Variants in PREX2 observed in about 807,000 individuals in gnomAD.
The protein encoded by PREX2 is phosphatidylinositol 3,4,5-trisphosphate-dependent Rac exchanger 2 protein.
Under a neutral mutation model 203.2 loss-of-function variants are expected in PREX2, and 107 were observed. The observed-to-expected ratio is 0.53, with a 90% CI of 0.45 to 0.62. PREX2 has a LOEUF of 0.62. PREX2 is among the 20% of genes least tolerant of loss of function. The probability of loss-of-function intolerance (pLI) is 0.00; values close to 1 mark genes in which losing one functional copy is unlikely to be tolerated. For synonymous variants in PREX2, 672 were observed against 663.6 expected (o/e 1.01, Z -0.19); for missense variants, 1,777 against 1,955.9 (o/e 0.91, Z 1.72).
chr8:68,182,602 T>G (rs141646717), intron 35 of PREX2, among the ~76,000 whole-genome samples: 157 of 152,172 alleles, frequency 1.0e-3, no homozygotes, highest in African/African-American at 3.6e-3. Flanking sequence ...CTCTGTTAGA[T>G]TTTATGTATA....
rs1805354537 is a variant in PREX2 at position 67,952,067 on chromosome 8, T to A, written c.-328T>A. ...ACAAAGCTTTTGATTAATGTCCAAG[T>A]CACTGCTGTGGCTGCCGAAGCCGCT... is the stretch of plus-strand genomic sequence containing the variant. On this transcript the variant is annotated 5_prime_UTR_variant, in exon 1 of 40. Coordinates refer to ENST00000288368, the MANE Select transcript of PREX2 (RefSeq NM_024870.4). 1 of 252,162 alleles carries A rather than the reference T, an allele frequency of 4.0e-6. No individual in the cohort carries two copies. The highest frequency in any genetic ancestry group is 2.2e-5 in the African/African-American group (1 of 44,466). 15.6% of individuals were successfully genotyped at this position (252,162 alleles called of 1,614,324 possible). A position where few individuals can be genotyped will look rare whatever the true frequency, so the allele number is the denominator to read the frequency against.
Position 68,097,040 on chromosome 8 carries a change from A to G in PREX2, c.2392A>G (p.Met798Val), listed in dbSNP as rs747350399. The G allele has an allele frequency of 5.0e-6, 8 of 1,613,722 alleles. No individual in the cohort carries two copies. In the South Asian group the frequency reaches 5.5e-5, roughly 11 times the overall value. The change falls in exon 22 of 40, where the codon ATG (methionine) becomes GTG (valine). Residue 798 changes from methionine to valine, a missense_variant. Physicochemically the swap from Met to Val is conservative, Grantham distance 21. Transcript: ENST00000288368. ...VEEVIDKFNT[M>V]AIIDGKKEHV... ...AGAGGTTATTGACAAATTCAACACT[A>G]TGGCCATCATTGATGGGAAGAAGGA...
intron 35 of PREX2, among the ~76,000 whole-genome samples, chr8:68,169,344 G>A (rs1811826706): frequency 6.6e-6 from 1 of 151,926 alleles, no homozygotes; most frequent in South Asian, 2.1e-4. Flanking sequence ...GTGAGGGTCA[G>A]AATGCTGGAC....
intron 11 of PREX2, 85 bp downstream of exon 11, chr8:68,060,864 TC>T: frequency 1.2e-6 from 1 of 868,866 alleles, no homozygotes; most frequent in Non-Finnish European, 1.8e-6. Flanking sequence ...AGTTTACAAT[TC>T]CCCACATTAT....
rs1563533945 is a variant in PREX2 at position 68,080,443 on chromosome 8, T to G, written c.1643T>G (p.Val548Gly). ...GLCDNGFMHH[V>G]LEKSEFKDEP... is the part of the protein sequence containing the mutation. ...AATTTGCATCTGTCTTTTTCTGTAG[T>G]CCTTGAAAAAAGCGAATTCAAAGAT... Residue 548 changes from valine to glycine, a missense_variant and splice_region_variant, in exon 16 of 40, where the codon GTC becomes GGC. Coordinates refer to ENST00000288368, the MANE Select transcript of PREX2 (RefSeq NM_024870.4). 6.2e-7 allele frequency: 1 copy of G among 1,610,818 alleles called. No individual in the cohort carries two copies. The highest frequency in any genetic ancestry group is 1.3e-5 in the African/African-American group (1 of 74,740).
chr8:68,047,653 G>C (rs78809049), intron 8 of PREX2, among the ~76,000 whole-genome samples: 2,257 of 151,238 alleles, frequency 0.015, 50 homozygotes, highest in African/African-American at 0.052. Flanking sequence ...GCCTCAGTAG[G>C]TGGGACTACA....
chr8:68,181,840 G>T (rs959086809), intron 35 of PREX2, among the ~76,000 whole-genome samples: 4 of 152,116 alleles, frequency 2.6e-5, no homozygotes. Flanking sequence ...GGTGCTGTGT[G>T]TTGGGATAAA....
intron 4 of PREX2, among the ~76,000 whole-genome samples, chr8:68,025,497 A>G (rs1161467273): frequency 7.2e-5 from 11 of 151,800 alleles, no homozygotes; most frequent in Non-Finnish European, 1.0e-4. Context: ...ATGATTGTAC[A>G]TTTCTTATTT....
chr8:67,970,711 T>A (rs1302432430), intron 1 of PREX2, among the ~76,000 whole-genome samples: 1 of 152,196 alleles, frequency 6.6e-6, no homozygotes, highest in Admixed American at 6.5e-5. Context: ...ATCATTTTCC[T>A]CTTCTGTGAT....
At chr8:68,193,014 A>G (rs965794714) in intron 37 of PREX2, among the ~76,000 whole-genome samples, 2 of 152,182 alleles carry the variant, frequency 1.3e-5, no homozygotes, top group Non-Finnish European at 2.9e-5. Context: ...GTGCTATTCC[A>G]GAAAATGTAA....
intron 37 of PREX2, among the ~76,000 whole-genome samples, chr8:68,195,040 G>T (rs934743125): frequency 1.3e-5 from 2 of 152,164 alleles, no homozygotes; most frequent in Non-Finnish European, 2.9e-5. Flanking sequence ...AACCAAGGGG[G>T]TCCTTCAGAC....
At chr8:68,169,359 A>G (rs1811827015) in intron 35 of PREX2, among the ~76,000 whole-genome samples, 1 of 152,044 alleles carries the variant, frequency 6.6e-6, no homozygotes, top group Admixed American at 6.6e-5. Context: ...CTGGACAAGC[A>G]AAGTCAATGA....
chr8:68,126,787 C>T (rs1810899057), intron 30 of PREX2, among the ~76,000 whole-genome samples: 1 of 151,954 alleles, frequency 6.6e-6, no homozygotes, highest in Non-Finnish European at 1.5e-5. Flanking sequence ...GAAATTCATA[C>T]ACATTTATCA....
rs547907303 is a variant in PREX2 at position 68,187,111 on chromosome 8, C to CTGATGAG, written c.4347-4611_4347-4610insTGATGAG. Reference sequence around the variant, plus strand: ...CCAGCTGTTTCTGTAGCAATGCTTCCCTTAGGTGGTACTGATGAGCTATGG... The same window carrying CTGATGAG: ...CCAGCTGTTTCTGTAGCAATGCTTCCTGATGAGCTTAGGTGGTACTGATGAGCTATGG... On this transcript the variant is annotated intron_variant, in intron 35 of 39. Coordinates refer to ENST00000288368, the MANE Select transcript of PREX2 (RefSeq NM_024870.4). 7.2e-3 allele frequency among the ~76,000 whole-genome samples: 1,087 copies of CTGATGAG among 151,830 alleles called. 11 individuals are homozygous for CTGATGAG. Among genetic ancestry groups the CTGATGAG allele is most frequent in the African/African-American group, 0.024 (983 of 41,334 alleles).
intron 11 of PREX2, among the ~76,000 whole-genome samples, chr8:68,061,611 G>A (rs1479509124): frequency 2.0e-5 from 3 of 152,212 alleles, no homozygotes; most frequent in Non-Finnish European, 2.9e-5. Context: ...CTGGATGTGG[G>A]TGATGAAGAA....
chr8:68,119,920 T>G (rs947844746), intron 28 of PREX2, among the ~76,000 whole-genome samples: 1 of 152,168 alleles, frequency 6.6e-6, no homozygotes, highest in Non-Finnish European at 1.5e-5. Context: ...CCAAAATTTG[T>G]AGTAGAAGAT....
chr8:68,110,417 A>G (rs1228833175), intron 25 of PREX2, among the ~76,000 whole-genome samples: 1 of 152,242 alleles, frequency 6.6e-6, no homozygotes, highest in Non-Finnish European at 1.5e-5. Flanking sequence ...TGAAAATTAT[A>G]CAAATTAATA....
chr8:68,085,514 G>T (rs1809655153), intron 18 of PREX2, among the ~76,000 whole-genome samples: 1 of 152,166 alleles, frequency 6.6e-6, no homozygotes, highest in Admixed American at 6.5e-5. Context: ...AAATGCAAAA[G>T]AATTTTCTTT....
chr8:68,035,349 C>T (rs904468475), intron 6 of PREX2, among the ~76,000 whole-genome samples: 2 of 152,030 alleles, frequency 1.3e-5, no homozygotes, highest in African/African-American at 4.8e-5. Context: ...TCTTTTCTTC[C>T]ACTGTGAATG....
Sources: allele counts gnomAD v4.1 joint callset (sites outside exome capture counted in the v4.1 genomes callset), GRCh38; gene constraint gnomAD v4.1.1; transcripts MANE v1.5; gene names NCBI Gene and HGNC (gene_info 2026-07-23, HGNC 2026-07-21).